The following TGDS variants were observed in gnomAD, a reference collection of about 807,000 sequenced individuals.
The protein encoded by TGDS is UDP-D-glucose 4,6-dehydratase.
In TGDS, 47 loss-of-function variants were observed where a neutral mutation model predicts 52.3. The ratio of observed to expected loss-of-function variants is 0.90; its 90% confidence interval spans 0.71 to 1.15. The LOEUF is 1.15. TGDS is among the 50% of genes most tolerant of loss of function. The pLI is 0.00. For missense variants in TGDS, 375 were observed against 418.4 expected (o/e 0.90, Z 0.90); for synonymous variants, 115 against 136.9 (o/e 0.84, Z 1.12).
At chr13:94,589,400 T>C (rs1229937756) in intron 4 of TGDS, among the ~76,000 whole-genome samples, 1 of 151,804 alleles carries the variant, frequency 6.6e-6, no homozygotes, top group African/African-American at 2.4e-5. Context: ...CTGCAAGCTC[T>C]GTCTCCCGGG....
At chr13:94,581,299 C>A in intron 5 of TGDS, 110 bp from the exon 6 acceptor site, 1 of 655,706 alleles carries the variant, frequency 1.5e-6, no homozygotes, top group African/African-American at 1.8e-5. Context: ...AAAGCCACTT[C>A]TTAAATCCTA....
chr13:94,590,888 T>C lies in TGDS; in HGVS notation c.278A>G (p.Asp93Gly). 1 of 1,577,024 alleles carries C rather than the reference T, an allele frequency of 6.3e-7. No individual in the cohort carries two copies. The highest frequency in any genetic ancestry group is 1.2e-5 in the South Asian group (1 of 83,372). ...VKLLFETEKIDIVLHFAAQTH... is the reference protein window; with the variant it reads ...VKLLFETEKIGIVLHFAAQTH... ...TTGTGCGGCAAAATGTAGTACTATA[T>C]CTATTTTCTCTGTTTCAAAAAGCAG... Residue 93 changes from aspartate (D) to glycine (G), a missense_variant, in exon 4 of 12, where the codon GAT (aspartate) becomes GGT (glycine). By Grantham distance (94) the Asp-to-Gly change is moderately conservative. Transcript: ENST00000261296.
chr13:94,590,187 T>C (rs887921624), intron 4 of TGDS, among the ~76,000 whole-genome samples: 67 of 147,886 alleles, frequency 4.5e-4, no homozygotes, highest in African/African-American at 1.5e-3. Flanking sequence ...ATATAAAATA[T>C]ATATTTAACA....
At chr13:94,580,048 C>A in intron 6 of TGDS, 95 bp from the exon 7 acceptor site, 2 of 760,420 alleles carry the variant, frequency 2.6e-6, no homozygotes, top group Admixed American at 2.7e-5. Flanking sequence ...GGCACCTTTG[C>A]CTAAATAATT....
In TGDS at chr13:94,581,030, G is replaced by T. The variant is rs568146939; in HGVS notation, c.555+61C>A. On this transcript the variant is annotated intron_variant, in intron 6 of 11. Coordinates refer to ENST00000261296, the MANE Select transcript of TGDS (RefSeq NM_014305.4). ...AAAAAAGAAAAAAAAAAGCTGACTT[G>T]GAGTTTTAACACTTAAGTCCAAAGG... 273 of 962,350 alleles carry T rather than the reference G, an allele frequency of 2.8e-4. 6 individuals are homozygous for T. The South Asian group carries it at 6.0e-3, about 21-fold the overall frequency. 59.6% of individuals were successfully genotyped at this position (962,350 alleles called of 1,614,324 possible).
intron 1 of TGDS, 68 bp from the exon 2 acceptor site, chr13:94,593,975 AAGGTGTTG>A: frequency 9.9e-7 from 1 of 1,013,010 alleles, no homozygotes; most frequent in Non-Finnish European, 1.5e-6. Flanking sequence ...ATATTTTCCT[AAGGTGTTG>A]AGTACTAGGA....
chr13:94,576,465 T>G (rs1888606086), intron 10 of TGDS, 54 bp from the exon 11 acceptor site: 2 of 1,249,798 alleles, frequency 1.6e-6, no homozygotes, highest in African/African-American at 1.6e-5. Context: ...TTTACAAATT[T>G]AGATATTAGG....
chr13:94,595,495 G>A (rs1197823951), intron 1 of TGDS, among the ~76,000 whole-genome samples: 1 of 152,194 alleles, frequency 6.6e-6, no homozygotes, highest in East Asian at 1.9e-4. Context: ...GGCAAAAGAT[G>A]ACAGTAAACA....
rs1888531373 is a variant in TGDS, at chr13:94,574,619, C to T, written c.*163G>A. 1.8e-6 allele frequency: 1 copy of T among 547,368 alleles called. No homozygotes were observed. Among genetic ancestry groups the T allele is most frequent in the Non-Finnish European group, 3.2e-6 (1 of 309,722 alleles). The allele number at this position is 547,368 out of a possible 1,614,324, so 33.9% of individuals were successfully genotyped here. On this transcript the variant is annotated 3_prime_UTR_variant, in exon 12 of 12. Transcript: ENST00000261296. ...TAAATTCTATGCCAGTACTGAAACT[C>T]TCCCAAAGATTGAGGCATTCTGCAT...
Position 94,581,096 on chromosome 13 carries a change from A to G in TGDS, c.550T>C (p.Tyr184His). The change falls in exon 6 of 12, where the codon TAT becomes CAT. Residue 184 changes from tyrosine (Y) to histidine (H), a missense_variant. Tyr to His is a moderately conservative substitution (Grantham distance 83, BLOSUM62 2). Transcript: ENST00000261296. ...ECFVQSYWEQYKFPVVITRSS... is the reference protein window; with the variant it reads ...ECFVQSYWEQHKFPVVITRSS... ...TTTCTGCAATCAGTTCTTACCTTAT[A>G]TTGTTCCCAGTAAGACTGTACAAAA... 6.5e-7 allele frequency: 1 copy of G among 1,544,208 alleles called. No homozygotes were observed. The highest frequency in any genetic ancestry group is 8.8e-7 in the Non-Finnish European group (1 of 1,139,514).
chr13:94,584,301 AG>A lies in TGDS; in HGVS notation c.314-1066del, dbSNP rs560212679. Among the ~76,000 whole-genome samples the A allele has an allele frequency of 4.3e-3, 649 of 152,300 alleles. 4 individuals carry two copies. The highest frequency in any genetic ancestry group is 0.014 in the African/African-American group (600 of 41,552). ...TTAAGGAGGTGATTAAGTGAAAATC[AG>A]GTCTTTAGGATGGGTCCTAATCCGA... On this transcript the variant is annotated intron_variant, in intron 4 of 11. Transcript: ENST00000261296.
intron 11 of TGDS, 36 bp downstream of exon 11, chr13:94,576,278 C>A: frequency 7.0e-7 from 1 of 1,434,102 alleles, no homozygotes; most frequent in South Asian, 1.3e-5. Flanking sequence ...TTAAATTTTT[C>A]TGACTTGCCC....
At chr13:94,586,751 ATTTTTTT>A (rs55763244) in intron 4 of TGDS, among the ~76,000 whole-genome samples, 18 of 36,844 alleles carry the variant, frequency 4.9e-4, no homozygotes, top group Non-Finnish European at 5.9e-4. Context: ...AAATCAAATT[ATTTTTTT>A]TTTTTTTTTT....
Position 94,576,231 on chromosome 13 carries a change from G to A in TGDS, c.982+83C>T, listed in dbSNP as rs914830552. The A allele has an allele frequency of 1.8e-5, 16 of 894,802 alleles. No individual in the cohort carries two copies. In the Admixed American group the frequency reaches 4.2e-4, roughly 23 times the overall value. The allele number at this position is 894,802 out of a possible 1,614,324, so 55.4% of individuals were successfully genotyped here. A position where few individuals can be genotyped will look rare whatever the true frequency, so the allele number is the denominator to read the frequency against. Reference sequence around the variant, plus strand: ...GAATGATTCAACACAATATTCCACTGGTTTGTATAATGTTCTGGAAATAAG... The same window carrying A: ...GAATGATTCAACACAATATTCCACTAGTTTGTATAATGTTCTGGAAATAAG... On this transcript the variant is annotated intron_variant, in intron 11 of 11. Transcript: ENST00000261296.
In TGDS at chr13:94,574,818, C is replaced by T; in HGVS notation, c.1017G>A (p.Lys339=). ...EWYRENFHNW[K]NVEKALEPFP... ...AGGGTTCTAATGCCTTTTCCACATT[C>T]TTCCAGTTGTGAAAATTCTCTCTGT... The change falls in exon 12 of 12, where the codon AAG becomes AAA. Residue 339 remains lysine (K), a synonymous_variant. Transcript: ENST00000261296. 1 of 1,605,890 alleles carries T rather than the reference C, an allele frequency of 6.2e-7. No individual in the cohort carries two copies. The highest frequency in any genetic ancestry group is 2.2e-5 in the East Asian group (1 of 44,786).
At chr13:94,574,881 A>G in intron 11 of TGDS, 29 bp from the exon 12 acceptor site, 1 of 1,392,664 alleles carries the variant, frequency 7.2e-7, no homozygotes, top group Non-Finnish European at 9.8e-7. Context: ...AGACAAAAAA[A>G]AAAAAGAAAA....
At chr13:94,585,433 G>C (rs1888941413) in intron 4 of TGDS, among the ~76,000 whole-genome samples, 1 of 151,990 alleles carries the variant, frequency 6.6e-6, no homozygotes, top group Non-Finnish European at 1.5e-5. Flanking sequence ...CTAATATAAT[G>C]ACTACTGACT....
intron 4 of TGDS, among the ~76,000 whole-genome samples, chr13:94,589,320 T>TC (rs1343477355): frequency 6.7e-5 from 1 of 14,966 alleles, no homozygotes; most frequent in Non-Finnish European, 1.1e-4. Context: ...AAAAGATTTC[T>TC]TTTTTTTTTT....
chr13:94,583,569 A>G (rs1255757423), intron 4 of TGDS, among the ~76,000 whole-genome samples: 1 of 152,198 alleles, frequency 6.6e-6, no homozygotes, highest in Admixed American at 6.5e-5. Context: ...TAGGCTTTTT[A>G]AGATCAATCT....
Sources: gnomAD v4.1 joint callset for allele counts (sites outside exome capture counted in the v4.1 genomes callset) on GRCh38, gnomAD v4.1.1 for gene constraint, MANE v1.5 for transcripts, NCBI Gene and HGNC (gene_info 2026-07-23, HGNC 2026-07-21) for gene names.